DCC: variants seen among roughly 807,000 people sequenced by gnomAD.
The protein encoded by DCC is DCC netrin 1 receptor, also known as netrin receptor DCC.
In DCC, 58 loss-of-function variants were observed where a neutral mutation model predicts 172.5. The ratio of observed to expected loss-of-function variants is 0.34; its 90% CI spans 0.27 to 0.42. The LOEUF is 0.42. DCC is among the 10% of genes least tolerant of loss of function. The probability of loss-of-function intolerance (pLI) is 1.00; values close to 1 mark genes in which losing one functional copy is unlikely to be tolerated. For synonymous variants in DCC, 709 were observed against 644.5 expected, an observed-to-expected ratio of 1.10 and a Z score of -1.52; for missense variants, 1,740 against 1,791.0, an observed-to-expected ratio of 0.97 and a Z score of 0.51.
At chr18:52,961,453 C>G (rs1043348077) in intron 5 of DCC, among the ~76,000 whole-genome samples, 2 of 152,070 alleles carry the variant, frequency 1.3e-5, no homozygotes, top group Non-Finnish European at 2.9e-5. Flanking sequence ...CCTTTCTGTA[C>G]CACAATAATG....
chr18:53,253,221 T>G (rs1661291503), intron 12 of DCC, among the ~76,000 whole-genome samples: 2 of 152,016 alleles, frequency 1.3e-5, no homozygotes, highest in African/African-American at 4.8e-5. Context: ...TATTTCTTTG[T>G]GTTGTTGAAG....
At chr18:52,919,079 G>T (rs1445457070) in intron 3 of DCC, among the ~76,000 whole-genome samples, 1 of 152,150 alleles carries the variant, frequency 6.6e-6, no homozygotes, top group Non-Finnish European at 1.5e-5. Context: ...GACAGCTAGT[G>T]CTGGCTGTTG....
At chr18:53,391,540 A>C (rs1236827999) in intron 16 of DCC, 115 bp from the exon 17 acceptor site, 3 of 732,524 alleles carry the variant, frequency 4.1e-6, no homozygotes, top group Non-Finnish European at 7.5e-6. Context: ...GTTCCCTTTC[A>C]TCATTATTGC....
chr18:52,691,773 C>T (rs936159875), intron 1 of DCC, among the ~76,000 whole-genome samples: 2 of 152,156 alleles, frequency 1.3e-5, no homozygotes, highest in Non-Finnish European at 1.5e-5. Context: ...CAGTTTAACT[C>T]ACCACATGCT....
At chr18:52,864,252 A>G (rs1019754804) in intron 2 of DCC, among the ~76,000 whole-genome samples, 1 of 152,234 alleles carries the variant, frequency 6.6e-6, no homozygotes, top group African/African-American at 2.4e-5. Context: ...AAAACAGGGT[A>G]GCAAATTTAC....
At chr18:52,412,252 C>CATATATATATATATATATACATCTGT in intron 1 of DCC, among the ~76,000 whole-genome samples, 1 of 152,012 alleles carries the variant, frequency 6.6e-6, no homozygotes, top group South Asian at 2.1e-4. Flanking sequence ...GTATTATGTA[C>CATATATATATATATATATACATCTGT]CTGTATATCT....
chr18:52,911,656 C>G (rs755819828), intron 3 of DCC, among the ~76,000 whole-genome samples: 3 of 151,898 alleles, frequency 2.0e-5, no homozygotes, highest in Non-Finnish European at 4.4e-5. Context: ...CTGACATAAA[C>G]ATACACCCAA....
At chr18:53,284,591 A>T (rs890284923) in intron 12 of DCC, among the ~76,000 whole-genome samples, 1 of 152,164 alleles carries the variant, frequency 6.6e-6, no homozygotes, top group Non-Finnish European at 1.5e-5. Context: ...CCCAGTCTCA[A>T]GTATGTCTTT....
chr18:53,044,878 A>G (rs942610478), intron 5 of DCC, among the ~76,000 whole-genome samples: 1 of 151,846 alleles, frequency 6.6e-6, no homozygotes, highest in Non-Finnish European at 1.5e-5. Flanking sequence ...AAAACATTCA[A>G]GGGCATAAGT....
intron 17 of DCC, among the ~76,000 whole-genome samples, chr18:53,395,150 C>CAA (rs35414902): frequency 0.43 from 54,042 of 124,702 alleles, 12,538 homozygotes; most frequent in Non-Finnish European, 0.55. Flanking sequence ...AACTCCATCT[C>CAA]AAAAAAAAAA....
intron 1 of DCC, among the ~76,000 whole-genome samples, chr18:52,391,382 A>C (rs778433981): frequency 9.9e-5 from 15 of 152,120 alleles, no homozygotes; most frequent in Non-Finnish European, 1.9e-4. Context: ...AGAGAGATCC[A>C]ATTTTATTTT....
chr18:52,691,757 G>T (rs759281398), intron 1 of DCC, among the ~76,000 whole-genome samples: 44 of 152,024 alleles, frequency 2.9e-4, no homozygotes, highest in Admixed American at 5.9e-4. Flanking sequence ...ACCATTGTAC[G>T]GGGCACAGTT....
intron 1 of DCC, among the ~76,000 whole-genome samples, chr18:52,586,434 A>T (rs62083395): frequency 0.27 from 41,547 of 151,882 alleles, 6,510 homozygotes; most frequent in Middle Eastern, 0.37. Flanking sequence ...CAGGGCAATC[A>T]CCCCACCCAA....
intron 2 of DCC, among the ~76,000 whole-genome samples, chr18:52,838,367 C>T (rs1394173486): frequency 6.6e-6 from 1 of 152,176 alleles, no homozygotes; most frequent in Admixed American, 6.5e-5. Context: ...ATTTGAATCA[C>T]ATTCTGGTGA....
At chr18:52,688,502 G>A (rs2035877671) in intron 1 of DCC, among the ~76,000 whole-genome samples, 1 of 152,080 alleles carries the variant, frequency 6.6e-6, no homozygotes, top group Non-Finnish European at 1.5e-5. Flanking sequence ...GAAATGGGGA[G>A]ATGTAGATAA....
intron 26 of DCC, among the ~76,000 whole-genome samples, chr18:53,490,641 C>T (rs929377289): frequency 5.3e-5 from 8 of 152,150 alleles, no homozygotes; most frequent in African/African-American, 1.9e-4. Flanking sequence ...AAGCAGGTTT[C>T]TTTGCTTTCA....
At chr18:52,927,121 A>G (rs796446083) in intron 5 of DCC, among the ~76,000 whole-genome samples, 1 of 92,952 alleles carries the variant, frequency 1.1e-5, no homozygotes, top group Admixed American at 9.7e-5. Context: ...ATATACGTGT[A>G]TATACACGTA....
intron 7 of DCC, among the ~76,000 whole-genome samples, chr18:53,104,521 A>C (rs2144229069): frequency 6.6e-6 from 1 of 152,124 alleles, no homozygotes; most frequent in Non-Finnish European, 1.5e-5. Flanking sequence ...TAAGTCCATT[A>C]AAACTTCTTC....
At chr18:52,864,629 C>T (rs1438556484) in intron 2 of DCC, among the ~76,000 whole-genome samples, 1 of 151,308 alleles carries the variant, frequency 6.6e-6, no homozygotes, top group Non-Finnish European at 1.5e-5. Context: ...CTGAACCCAT[C>T]AACCTATCAA....
Sources: gnomAD v4.1 joint callset for allele counts (sites outside exome capture counted in the v4.1 genomes callset) on GRCh38, gnomAD v4.1.1 for gene constraint, MANE v1.5 for transcripts, NCBI Gene and HGNC (gene_info 2026-07-23, HGNC 2026-07-21) for gene names.